Variants in KRABD5 observed in about 807,000 individuals in gnomAD.
The protein encoded by KRABD5 is KRAB domain-containing protein 5.
chr16:31,722,918 G>A, the KRABD5 span, among the ~76,000 whole-genome samples: 1 of 151,718 alleles, frequency 6.6e-6, no homozygotes, highest in Non-Finnish European at 1.5e-5. Context: ...ACTTCCTAAT[G>A]TTTGATCTTG....
chr16:31,757,850 GTAGATAGATAGATAGA>G, the KRABD5 span: 155 of 103,338 alleles, frequency 1.5e-3, no homozygotes, highest in African/African-American at 4.7e-3. Context: ...AGGTAGGTAG[GTAGATAGATAGATAGA>G]TAGATAGATA....
At chr16:31,761,536 C>T in the KRABD5 span, 1 of 152,050 alleles carries the variant, frequency 6.6e-6, no homozygotes, top group African/African-American at 2.4e-5. Flanking sequence ...GTTACTTGTT[C>T]TTTCTACAAA....
chr16:31,748,225 C>A, the KRABD5 span, among the ~76,000 whole-genome samples: 2 of 152,144 alleles, frequency 1.3e-5, no homozygotes, highest in African/African-American at 4.8e-5. Flanking sequence ...CCAGCTTTCC[C>A]AGCACCATTT....
the KRABD5 span, among the ~76,000 whole-genome samples, chr16:31,740,505 GCATCTTTAAAA>G: frequency 9.2e-5 from 14 of 152,168 alleles, 1 homozygote; most frequent in East Asian, 2.7e-3. Context: ...AACTGGTTAA[GCATCTTTAAAA>G]TAGATATTTT....
the KRABD5 span, among the ~76,000 whole-genome samples, chr16:31,742,161 T>A: frequency 1.4e-5 from 2 of 144,560 alleles, no homozygotes; most frequent in Non-Finnish European, 3.0e-5. Context: ...TGTCCTTTTT[T>A]AAAAAAAATT....
the KRABD5 span, chr16:31,760,530 G>T: frequency 7.6e-6 from 1 of 132,258 alleles, no homozygotes; most frequent in Non-Finnish European, 1.6e-5. Context: ...ACTGTTTCAG[G>T]GTGAGGGATG....
chr16:31,748,659 G>A, the KRABD5 span, among the ~76,000 whole-genome samples: 1 of 152,132 alleles, frequency 6.6e-6, no homozygotes, highest in South Asian at 2.1e-4. Flanking sequence ...GCAATCATTT[G>A]GAGAAGAGGC....
At chr16:31,723,816 A>T in the KRABD5 span, among the ~76,000 whole-genome samples, 1 of 152,264 alleles carries the variant, frequency 6.6e-6, no homozygotes. Context: ...CTGGTATATT[A>T]ATTTCTAATC....
At chr16:31,749,033 C>A in the KRABD5 span, among the ~76,000 whole-genome samples, 1 of 152,106 alleles carries the variant, frequency 6.6e-6, no homozygotes, top group Admixed American at 6.5e-5. Context: ...GTCTGGGCTG[C>A]CTGGATTCCT....
chr16:31,744,906 T>G, the KRABD5 span, among the ~76,000 whole-genome samples: 1 of 152,312 alleles, frequency 6.6e-6, no homozygotes, highest in Admixed American at 6.5e-5. Context: ...TCTAGTTTAC[T>G]TGTGTAGAGA....
the KRABD5 span, among the ~76,000 whole-genome samples, chr16:31,735,469 A>G: frequency 2.0e-5 from 3 of 152,154 alleles, no homozygotes; most frequent in Admixed American, 2.0e-4. Context: ...TGTATTTTTA[A>G]TTTTTCAGGA....
chr16:31,758,732 C>G, the KRABD5 span: 1 of 151,136 alleles, frequency 6.6e-6, no homozygotes, highest in Non-Finnish European at 1.5e-5. Flanking sequence ...CAAGATCATG[C>G]CATTGCACTC....
chr16:31,743,239 G>A, the KRABD5 span, among the ~76,000 whole-genome samples: 7 of 152,074 alleles, frequency 4.6e-5, no homozygotes, highest in East Asian at 1.3e-3. Flanking sequence ...TTCTTCTAGG[G>A]TTTTTATGGT....
the KRABD5 span, chr16:31,758,644 G>A: frequency 2.0e-5 from 3 of 151,604 alleles, no homozygotes; most frequent in African/African-American, 7.3e-5. Context: ...CATGGTGGTG[G>A]GTACCTATAA....
chr16:31,755,295 C>T, the KRABD5 span: 1 of 505,258 alleles, frequency 2.0e-6, no homozygotes, highest in Non-Finnish European at 4.0e-6. Context: ...GGAGAAAAAC[C>T]CTATAAATGC....
chr16:31,742,166 A>G, the KRABD5 span, among the ~76,000 whole-genome samples: 2 of 141,992 alleles, frequency 1.4e-5, no homozygotes, highest in Non-Finnish European at 3.0e-5. Flanking sequence ...TTTTTTAAAA[A>G]AAATTTTTTG....
chr16:31,713,552 GGCCCTTGGTCCCCTCC>G, the KRABD5 span: 7 of 1,417,118 alleles, frequency 4.9e-6, no homozygotes, highest in Non-Finnish European at 6.6e-6. Context: ...GACGCAACTC[GGCCCTTGGTCCCCTCC>G]GCCGCAAGAT....
At chr16:31,747,233 A>C in the KRABD5 span, among the ~76,000 whole-genome samples, 1 of 144,380 alleles carries the variant, frequency 6.9e-6, no homozygotes, top group African/African-American at 2.6e-5. Context: ...GAGTGAGAAC[A>C]TGTGGTGTTT....
the KRABD5 span, among the ~76,000 whole-genome samples, chr16:31,738,163 G>A: frequency 1.3e-5 from 2 of 152,064 alleles, no homozygotes; most frequent in African/African-American, 4.8e-5. Context: ...TGGATATTGT[G>A]TATTCTGCTG....
Sources: allele counts gnomAD v4.1 joint callset (sites outside exome capture counted in the v4.1 genomes callset), GRCh38; gene constraint gnomAD v4.1.1; transcripts MANE v1.5; gene names NCBI Gene and HGNC (gene_info 2026-07-23, HGNC 2026-07-21).